Variants in ZBBX observed in about 807,000 individuals in gnomAD.
The protein encoded by ZBBX is zinc finger B-box domain-containing protein 1.
Under a neutral mutation model 108.5 loss-of-function variants are expected in ZBBX, and 101 were observed. That is an observed-to-expected ratio of 0.93 (90% confidence interval 0.79 to 1.10). The LOEUF (loss-of-function observed/expected upper bound fraction) is 1.10. ZBBX is among the 50% of genes least tolerant of loss of function. ZBBX has a pLI of 0.00. For synonymous variants in ZBBX, 356 were observed against 323.4 expected (o/e 1.10, Z -1.08); for missense variants, 1,009 against 941.4 (o/e 1.07, Z -0.94).
In ZBBX at chr3:167,320,972, C is replaced by T. The variant is rs531056892; in HGVS notation, c.983+1145G>A. On this transcript the variant is annotated intron_variant, in intron 12 of 21. Transcript: ENST00000675490. ...TACAATGTGTAATCCTGGACTGGATCCTGGAATGGGGTAAGGATAATAGTG... is the reference window on the plus strand; with the variant it reads ...TACAATGTGTAATCCTGGACTGGATTCTGGAATGGGGTAAGGATAATAGTG... Among the ~76,000 whole-genome samples, 4 of 151,984 alleles carry T rather than the reference C, an allele frequency of 2.6e-5. No homozygotes were observed. In the South Asian group the frequency reaches 8.3e-4, roughly 32 times the overall value.
intron 10 of ZBBX, among the ~76,000 whole-genome samples, chr3:167,328,519 T>G (rs1737818493): frequency 2.0e-5 from 3 of 151,952 alleles, no homozygotes; most frequent in African/African-American, 2.4e-5. Flanking sequence ...TGATCAGACA[T>G]TCCCCTGCTC....
In ZBBX at chr3:167,305,787, T is replaced by C; in HGVS notation, c.1581A>G (p.Glu527=). ...CTCTACCTAGCAAAGTGTCCTTGCT[T>C]TCAAGTGATACACAGGAATCATCAG... ...QKSDDSCVSL[E]SKDTLLGRDL... Residue 527 remains glutamate (E), a synonymous_variant, in exon 17 of 22, where the codon GAA becomes GAG. Transcript: ENST00000675490. The C allele has an allele frequency of 6.2e-7, 1 of 1,612,948 alleles. No individual in the cohort carries two copies. The highest frequency in any genetic ancestry group is 1.1e-5 in the South Asian group (1 of 90,992).
At chr3:167,333,559 C>T (rs1739027374) in intron 10 of ZBBX, among the ~76,000 whole-genome samples, 2 of 152,176 alleles carry the variant, frequency 1.3e-5, no homozygotes, top group South Asian at 4.1e-4. Context: ...AAATACTCAT[C>T]CAATTCCTGA....
At chr3:167,319,934 T>C (rs1376507583) in intron 12 of ZBBX, among the ~76,000 whole-genome samples, 1 of 151,832 alleles carries the variant, frequency 6.6e-6, no homozygotes, top group African/African-American at 2.4e-5. Context: ...TGGGTGTGAA[T>C]GCATGTTACT....
chr3:167,270,702 T>C (rs553749917), intron 20 of ZBBX, among the ~76,000 whole-genome samples: 2 of 152,316 alleles, frequency 1.3e-5, no homozygotes, highest in African/African-American at 2.4e-5. Context: ...AGGGGTAAAG[T>C]TGACTGCAAG....
At chr3:167,180,138 A>G in the ZBBX span, among the ~76,000 whole-genome samples, 1 of 152,202 alleles carries the variant, frequency 6.6e-6, no homozygotes, top group African/African-American at 2.4e-5. Context: ...GCTGGGTTGA[A>G]AAAAAGAGCA....
At chr3:167,361,772 T>A (rs1358509432) in intron 6 of ZBBX, among the ~76,000 whole-genome samples, 2 of 152,326 alleles carry the variant, frequency 1.3e-5, no homozygotes, top group East Asian at 1.9e-4. Flanking sequence ...GATAATCTAA[T>A]CTCATTTTTC....
chr3:167,196,248 A>C, the ZBBX span, among the ~76,000 whole-genome samples: 1 of 152,218 alleles, frequency 6.6e-6, no homozygotes, highest in Non-Finnish European at 1.5e-5. Flanking sequence ...CTTGAGAAGA[A>C]TCTATATGCT....
intron 20 of ZBBX, among the ~76,000 whole-genome samples, chr3:167,244,393 C>T (rs1025444245): frequency 1.3e-5 from 2 of 152,264 alleles, no homozygotes; most frequent in Admixed American, 1.3e-4. Flanking sequence ...AACCCAACAG[C>T]AATGCTTTGA....
intron 9 of ZBBX, 69 bp downstream of exon 9, chr3:167,350,351 A>AT: frequency 1.6e-6 from 2 of 1,255,294 alleles, no homozygotes; most frequent in Non-Finnish European, 2.2e-6. Flanking sequence ...AACTAAAGAC[A>AT]TTTTAAATGT....
At chr3:167,353,912 A>G (rs149347661) in intron 8 of ZBBX, among the ~76,000 whole-genome samples, 3 of 152,128 alleles carry the variant, frequency 2.0e-5, no homozygotes, top group Non-Finnish European at 4.4e-5. Context: ...TAAATTAATC[A>G]TTTACAATAA....
chr3:167,347,900 A>ATACAACT lies in ZBBX; in HGVS notation c.528+2519_528+2520insAGTTGTA, dbSNP rs1423268511. ...AGTTCTTTATTGTATTTAACTTTAA[A>ATACAACT]TTTATATACATAAAAGAATCCCAAT... On this transcript the variant is annotated intron_variant, in intron 9 of 21. Transcript: ENST00000675490. Among the ~76,000 whole-genome samples the ATACAACT allele has an allele frequency of 1.2e-4, 19 of 152,180 alleles. No individual in the cohort carries two copies. The East Asian group carries it at 3.5e-3, about 28-fold the overall frequency.
chr3:167,225,562 A>G, the ZBBX span, among the ~76,000 whole-genome samples: 2 of 151,864 alleles, frequency 1.3e-5, no homozygotes, highest in African/African-American at 4.8e-5. Flanking sequence ...TAGATAGAAG[A>G]GTAATCTGAC....
intron 1 of ZBBX, among the ~76,000 whole-genome samples, chr3:167,391,248 C>T (rs533497114): frequency 9.7e-4 from 148 of 151,892 alleles, no homozygotes; most frequent in Non-Finnish European, 1.6e-3. Flanking sequence ...GTAATCATGT[C>T]GTTTTTGTTA....
At chr3:167,248,620 A>T in intron 20 of ZBBX, 3 of 456,618 alleles carry the variant, frequency 6.6e-6, no homozygotes, top group South Asian at 4.6e-5. Context: ...TTTCAGTCCC[A>T]AACTGGACTC....
chr3:167,319,945 T>A (rs1414671901), intron 12 of ZBBX, among the ~76,000 whole-genome samples: 1 of 151,806 alleles, frequency 6.6e-6, no homozygotes, highest in Admixed American at 6.6e-5. Context: ...GCATGTTACT[T>A]TAATAGATAT....
At chr3:167,232,311 C>A in the ZBBX span, among the ~76,000 whole-genome samples, 2 of 151,740 alleles carry the variant, frequency 1.3e-5, no homozygotes, top group Non-Finnish European at 2.9e-5. Context: ...TTGTTTCCAA[C>A]TTGGAAAATA....
In ZBBX at chr3:167,305,702, A is replaced by C; in HGVS notation, c.1666T>G (p.Leu556Val). ...CTTGGCCTCTTATACAGATTGCTCA[A>C]TTCCAAGGATTCTTTGATGTCTTGA... Reference protein sequence around the residue: ...LSQDIKESLELSNLYKRPSFE... With the variant: ...LSQDIKESLEVSNLYKRPSFE... Residue 556 changes from leucine (L) to valine (V), a missense_variant, in exon 17 of 22, where the codon TTG becomes GTG. Physicochemically the swap from Leu to Val is conservative, Grantham distance 32. Transcript: ENST00000675490. The C allele has an allele frequency of 6.2e-7, 1 of 1,610,404 alleles. No homozygotes were observed. Among genetic ancestry groups the C allele is most frequent in the African/African-American group, 1.3e-5 (1 of 74,876 alleles).
intron 17 of ZBBX, among the ~76,000 whole-genome samples, chr3:167,299,529 G>A (rs1732274588): frequency 6.6e-6 from 1 of 151,994 alleles, no homozygotes; most frequent in Admixed American, 6.6e-5. Flanking sequence ...TCCTAAAATA[G>A]TTATGTTTTG....
Sources: gnomAD v4.1 joint callset for allele counts (sites outside exome capture counted in the v4.1 genomes callset) on GRCh38, gnomAD v4.1.1 for gene constraint, MANE v1.5 for transcripts, NCBI Gene and HGNC (gene_info 2026-07-23, HGNC 2026-07-21) for gene names.